The following STAG1 variants were observed in gnomAD, a reference collection of about 807,000 sequenced individuals.
STAG1 encodes the protein cohesin subunit SA-1.
A neutral mutation model predicts 170.9 loss-of-function variants in STAG1; 26 were observed. That is an observed-to-expected ratio of 0.15 (90% CI 0.11 to 0.21). The LOEUF is 0.21. Ranked by LOEUF, STAG1 falls within the 10% of genes least tolerant of loss-of-function variation. STAG1 has a pLI of 1.00. For missense variants in STAG1, 964 were observed against 1,509.5 expected, an observed-to-expected ratio of 0.64 and a Z score of 5.99; for synonymous variants, 514 against 497.7, an observed-to-expected ratio of 1.03 and a Z score of -0.44.
intron 4 of STAG1, among the ~76,000 whole-genome samples, chr3:136,575,679 T>C (rs1937430739): frequency 1.3e-5 from 2 of 152,206 alleles, no homozygotes; most frequent in African/African-American, 4.8e-5. Flanking sequence ...ACAATCATTC[T>C]GGGACCTAAG....
At position 136,368,762 on chromosome 3, in the gene STAG1, A is replaced by G. The variant is rs183862879; in HGVS notation, c.2545+346T>C. Among the ~76,000 whole-genome samples the G allele has an allele frequency of 2.2e-3, 338 of 152,350 alleles. 2 individuals are homozygous for G. The highest frequency in any genetic ancestry group is 7.8e-3 in the African/African-American group (324 of 41,594). On this transcript the variant is annotated intron_variant, in intron 24 of 33. Coordinates refer to ENST00000383202, the MANE Select transcript of STAG1 (RefSeq NM_005862.3). The stretch of plus-strand genomic sequence containing the variant: ...AACGACAGGAAAAGATCTGAGGTAC[A>G]GTATTAAAGGAGGGAGACTTCACTA...
chr3:136,635,723 T>C (rs1224230126), intron 1 of STAG1, among the ~76,000 whole-genome samples: 1 of 152,134 alleles, frequency 6.6e-6, no homozygotes, highest in Non-Finnish European at 1.5e-5. Context: ...CTGAAAGAAC[T>C]GACAAAGGCA....
intron 9 of STAG1, among the ~76,000 whole-genome samples, chr3:136,498,233 T>TATATATATATATATACATAC: frequency 1.7e-5 from 1 of 57,486 alleles, no homozygotes; most frequent in South Asian, 5.9e-4. Context: ...TATATATATA[T>TATATATATATATATACATAC]ACACATACAT....
chr3:136,468,736 A>G (rs998178975), intron 12 of STAG1, among the ~76,000 whole-genome samples: 1 of 152,226 alleles, frequency 6.6e-6, no homozygotes, highest in Non-Finnish European at 1.5e-5. Flanking sequence ...AAATATCCTC[A>G]ATAAAATACT....
intron 6 of STAG1, among the ~76,000 whole-genome samples, chr3:136,528,595 G>C (rs1389120697): frequency 7.1e-6 from 1 of 141,124 alleles, no homozygotes; most frequent in Non-Finnish European, 1.5e-5. Flanking sequence ...AAACAATACA[G>C]AGGAGTCAGC....
At position 136,531,510 on chromosome 3, in the gene STAG1, C is replaced by T. The variant is rs565186113; in HGVS notation, c.472-10093G>A. 1.3e-4 allele frequency among the ~76,000 whole-genome samples: 20 copies of T among 149,170 alleles called. No homozygotes were observed. The East Asian group carries it at 3.1e-3, about 23-fold the overall frequency. On this transcript the variant is annotated intron_variant, in intron 6 of 33. Transcript: ENST00000383202. ...CAATAGCAAAGACTTGGAACCAACCCAAATGTCCAACGATGATAGACTGGA... is the reference window on the plus strand; with the variant it reads ...CAATAGCAAAGACTTGGAACCAACCTAAATGTCCAACGATGATAGACTGGA...
intron 1 of STAG1, among the ~76,000 whole-genome samples, chr3:136,751,516 T>C (rs931322398): frequency 5.9e-5 from 9 of 151,634 alleles, no homozygotes; most frequent in Admixed American, 2.0e-4. Context: ...CCTGGACACG[T>C]TTCACAAGGA....
chr3:136,397,237 T>C (rs2087190173), intron 22 of STAG1, among the ~76,000 whole-genome samples: 1 of 152,226 alleles, frequency 6.6e-6, no homozygotes, highest in Non-Finnish European at 1.5e-5. Flanking sequence ...TATATTTGTG[T>C]CAGATAATTC....
At chr3:136,610,572 T>C (rs550046498) in intron 3 of STAG1, among the ~76,000 whole-genome samples, 41 of 152,286 alleles carry the variant, frequency 2.7e-4, no homozygotes, top group South Asian at 8.3e-4. Flanking sequence ...TGGTACTTGA[T>C]AGACTCAAGG....
chr3:136,702,095 GAGAGAGAGAGAGAGAGAGAGAGAGAGAC>G (rs1943086641), intron 1 of STAG1, among the ~76,000 whole-genome samples: 8 of 98,950 alleles, frequency 8.1e-5, no homozygotes, highest in African/African-American at 4.6e-4. Context: ...GAGAGAGAGA[GAGAGAGAGAGAGAGAGAGAGAGAGAGAC>G]AGAGAGACAG....
chr3:136,650,595 A>C (rs1007884440), intron 1 of STAG1, among the ~76,000 whole-genome samples: 1 of 152,242 alleles, frequency 6.6e-6, no homozygotes, highest in African/African-American at 2.4e-5. Flanking sequence ...AAATTGTAAA[A>C]GGCCTTCAAT....
chr3:136,577,832 A>G lies in STAG1; in HGVS notation c.298-8971T>C, dbSNP rs1490567844. On this transcript the variant is annotated intron_variant, in intron 4 of 33. Coordinates refer to ENST00000383202, the MANE Select transcript of STAG1 (RefSeq NM_005862.3). The stretch of plus-strand genomic sequence containing the variant: ...AGGTGGTATAAAACCATAACACGCC[A>G]AATTCATTGGTATCAGGCGCACTTA... Among the ~76,000 whole-genome samples, 3 of 152,356 alleles carry G rather than the reference A, an allele frequency of 2.0e-5. No homozygotes were observed. The East Asian group carries it at 5.8e-4, about 29-fold the overall frequency.
intron 29 of STAG1, 61 bp from the exon 30 acceptor site, chr3:136,344,067 A>G: frequency 7.5e-7 from 1 of 1,330,414 alleles, no homozygotes; most frequent in Non-Finnish European, 1.0e-6. Context: ...GGTAGCAGTC[A>G]TAGCATAGAC....
At chr3:136,475,726 T>C (rs1027157569) in intron 10 of STAG1, among the ~76,000 whole-genome samples, 1 of 152,186 alleles carries the variant, frequency 6.6e-6, no homozygotes, top group Non-Finnish European at 1.5e-5. Flanking sequence ...CATTAACTTG[T>C]ACAACATTTC....
chr3:136,528,543 T>C (rs902736938), intron 6 of STAG1, among the ~76,000 whole-genome samples: 2 of 131,924 alleles, frequency 1.5e-5, no homozygotes, highest in East Asian at 2.2e-4. Context: ...ATCCAAATTA[T>C]TTATTCTAAA....
Position 136,562,589 on chromosome 3 carries a change from C to T in STAG1, c.394+6176G>A, listed in dbSNP as rs564900679. ...TAAGCTAGAACAGTTTGAGTCATTT[C>T]TTTTTTTCTTTTTTTGAGACAGAGT... On this transcript the variant is annotated intron_variant, in intron 5 of 33. Transcript: ENST00000383202. Among the ~76,000 whole-genome samples, 15 of 150,148 alleles carry T rather than the reference C, an allele frequency of 1.0e-4. No individual in the cohort carries two copies. The East Asian group carries it at 3.0e-3, about 30-fold the overall frequency.
intron 14 of STAG1, among the ~76,000 whole-genome samples, chr3:136,450,261 T>C (rs531601009): frequency 6.6e-6 from 1 of 152,322 alleles, no homozygotes; most frequent in African/African-American, 2.4e-5. Flanking sequence ...GCATGAGCAC[T>C]ATCTTGGAGA....
At chr3:136,724,857 G>A (rs952553684) in intron 1 of STAG1, among the ~76,000 whole-genome samples, 3 of 152,124 alleles carry the variant, frequency 2.0e-5, no homozygotes, top group Non-Finnish European at 4.4e-5. Flanking sequence ...CATTGGGACA[G>A]AACAGTAATA....
intron 1 of STAG1, among the ~76,000 whole-genome samples, chr3:136,717,569 C>G (rs965383785): frequency 9.2e-5 from 14 of 152,150 alleles, no homozygotes; most frequent in African/African-American, 3.4e-4. Context: ...GAGGCTGAGG[C>G]AGGAGAATCA....
Sources: allele counts gnomAD v4.1 joint callset (sites outside exome capture counted in the v4.1 genomes callset), GRCh38; gene constraint gnomAD v4.1.1; transcripts MANE v1.5; gene names NCBI Gene and HGNC (gene_info 2026-07-23, HGNC 2026-07-21).